Variants in PCCA observed in about 807,000 individuals in gnomAD.
PCCA encodes propionyl-CoA carboxylase alpha chain, mitochondrial.
Under a neutral mutation model 101.3 loss-of-function variants are expected in PCCA, and 74 were observed. The ratio of observed to expected loss-of-function variants is 0.73; its 90% CI spans 0.61 to 0.89. The LOEUF (loss-of-function observed/expected upper bound fraction) is 0.89. Among genes scored for constraint, PCCA ranks in the 40% least tolerant of loss-of-function variants. The pLI is 0.00. For missense variants in PCCA, 891 were observed against 907.0 expected (o/e 0.98, Z 0.23); for synonymous variants, 294 against 313.6 (o/e 0.94, Z 0.66).
chr13:100,456,610 G>C (rs574820277), intron 21 of PCCA, among the ~76,000 whole-genome samples: 1 of 152,000 alleles, frequency 6.6e-6, no homozygotes, highest in Admixed American at 6.5e-5. Context: ...AGCAAGTCAC[G>C]TGATCGTAGA....
intron 21 of PCCA, among the ~76,000 whole-genome samples, chr13:100,460,093 A>G (rs1007277706): frequency 6.6e-6 from 1 of 152,118 alleles, no homozygotes; most frequent in African/African-American, 2.4e-5. Flanking sequence ...AGATCCCAGA[A>G]TTTTTCCAGG....
intron 6 of PCCA, among the ~76,000 whole-genome samples, chr13:100,165,963 C>A (rs2054996947): frequency 6.6e-6 from 1 of 152,076 alleles, no homozygotes; most frequent in African/African-American, 2.4e-5. Context: ...CCAAGAAAGC[C>A]TTATTGAAAT....
chr13:100,373,825 G>T (rs541413008), intron 19 of PCCA, among the ~76,000 whole-genome samples: 2 of 152,146 alleles, frequency 1.3e-5, no homozygotes, highest in South Asian at 4.2e-4. Flanking sequence ...TAAAAGGAGG[G>T]TTGTGGCCAG....
intron 21 of PCCA, among the ~76,000 whole-genome samples, chr13:100,466,562 C>A (rs889618214): frequency 1.3e-5 from 2 of 152,140 alleles, no homozygotes; most frequent in African/African-American, 4.8e-5. Flanking sequence ...AGTCAAAGTA[C>A]CCTCGTTTGA....
At chr13:100,120,078 G>C (rs541221488) in intron 4 of PCCA, among the ~76,000 whole-genome samples, 6 of 151,676 alleles carry the variant, frequency 4.0e-5, no homozygotes, top group Admixed American at 1.3e-4. Context: ...GGCCAGGCTG[G>C]TCTCGAACTC....
At chr13:100,398,307 A>G (rs2077150995) in intron 19 of PCCA, among the ~76,000 whole-genome samples, 1 of 152,232 alleles carries the variant, frequency 6.6e-6, no homozygotes, top group Non-Finnish European at 1.5e-5. Flanking sequence ...TTAAATGATC[A>G]TATATGCATA....
chr13:100,411,395 A>G (rs1234990461), intron 19 of PCCA, among the ~76,000 whole-genome samples: 3 of 151,926 alleles, frequency 2.0e-5, no homozygotes, highest in African/African-American at 4.8e-5. Context: ...AATTTTTTGT[A>G]TTTTTAATAG....
At chr13:100,257,991 T>C (rs1303265506) in intron 9 of PCCA, among the ~76,000 whole-genome samples, 2 of 152,228 alleles carry the variant, frequency 1.3e-5, no homozygotes, top group African/African-American at 4.8e-5. Context: ...CATTTGGCTA[T>C]ATAATTCTAA....
At chr13:100,152,399 A>G (rs1421547886) in intron 4 of PCCA, among the ~76,000 whole-genome samples, 1 of 150,088 alleles carries the variant, frequency 6.7e-6, no homozygotes, top group African/African-American at 2.5e-5. Context: ...TTAATCACCC[A>G]GTAAAATATA....
chr13:100,175,260 A>G (rs1286413025), intron 6 of PCCA, among the ~76,000 whole-genome samples: 1 of 152,134 alleles, frequency 6.6e-6, no homozygotes, highest in African/African-American at 2.4e-5. Flanking sequence ...AGATTAGTAC[A>G]TTGTTGATTT....
At chr13:100,418,824 A>G (rs1452530352) in intron 19 of PCCA, among the ~76,000 whole-genome samples, 2 of 133,364 alleles carry the variant, frequency 1.5e-5, no homozygotes, top group Non-Finnish European at 3.1e-5. Context: ...AGAGAGTGAG[A>G]CTCCACCTCA....
intron 19 of PCCA, among the ~76,000 whole-genome samples, chr13:100,376,357 G>A (rs568676962): frequency 1.7e-4 from 26 of 152,328 alleles, no homozygotes; most frequent in African/African-American, 4.6e-4. Context: ...CAGTCTGTCC[G>A]TTAACAGAGC....
intron 4 of PCCA, among the ~76,000 whole-genome samples, chr13:100,139,444 T>C (rs1464043161): frequency 2.6e-5 from 4 of 152,054 alleles, no homozygotes; most frequent in Admixed American, 2.6e-4. Context: ...TTGTTTCAGA[T>C]TGTATAATTT....
At chr13:100,259,088 C>G (rs2062274571) in intron 9 of PCCA, among the ~76,000 whole-genome samples, 1 of 152,192 alleles carries the variant, frequency 6.6e-6, no homozygotes, top group Admixed American at 6.5e-5. Flanking sequence ...CATACCACAA[C>G]TTATCCACCC....
intron 5 of PCCA, among the ~76,000 whole-genome samples, chr13:100,155,309 G>C (rs1047992609): frequency 2.6e-5 from 4 of 152,204 alleles, no homozygotes; most frequent in African/African-American, 9.7e-5. Context: ...GTGGCTGCTG[G>C]ATTCAGCTTT....
Position 100,440,307 on chromosome 13 carries a change from T to C in PCCA, c.1846-8945T>C, listed in dbSNP as rs909102770. ...GACGAGATGTTATTCTGTTTGCAGA[T>C]TGTGAAACTATCTGTAGTATATATA... On this transcript the variant is annotated intron_variant, in intron 20 of 23. Coordinates refer to ENST00000376285, the MANE Select transcript of PCCA (RefSeq NM_000282.4). 4.7e-5 allele frequency among the ~76,000 whole-genome samples: 7 copies of C among 150,220 alleles called. No homozygotes were observed. The Admixed American group carries it at 4.7e-4, about 10-fold the overall frequency.
chr13:100,216,449 A>G (rs777554604), intron 7 of PCCA, among the ~76,000 whole-genome samples: 1 of 152,226 alleles, frequency 6.6e-6, no homozygotes, highest in Non-Finnish European at 1.5e-5. Context: ...TCCTTCCTAC[A>G]CGGAGCGTAA....
intron 6 of PCCA, among the ~76,000 whole-genome samples, chr13:100,169,564 G>C (rs984560813): frequency 6.6e-6 from 1 of 151,656 alleles, no homozygotes; most frequent in Non-Finnish European, 1.5e-5. Flanking sequence ...GTCTTGCTCT[G>C]TTGCCCAGGC....
At chr13:100,453,232 T>TG (rs2081461951) in intron 21 of PCCA, among the ~76,000 whole-genome samples, 1 of 152,078 alleles carries the variant, frequency 6.6e-6, no homozygotes, top group South Asian at 2.1e-4. Context: ...CCGGGCATGG[T>TG]GGCTCACACC....
Sources: gnomAD v4.1 joint callset for allele counts (sites outside exome capture counted in the v4.1 genomes callset) on GRCh38, gnomAD v4.1.1 for gene constraint, MANE v1.5 for transcripts, NCBI Gene and HGNC (gene_info 2026-07-23, HGNC 2026-07-21) for gene names.